SPIN1: variants seen among roughly 807,000 people sequenced by gnomAD.
SPIN1 encodes spindlin-1.
A neutral mutation model predicts 26.0 loss-of-function variants in SPIN1; 3 were observed. The observed-to-expected ratio is 0.12, with a 90% CI of 0.05 to 0.30. The LOEUF is 0.30. Ranked by LOEUF, SPIN1 falls within the 10% of genes least tolerant of loss-of-function variation. SPIN1 has a pLI of 1.00. For synonymous variants in SPIN1, 101 were observed against 116.5 expected, an observed-to-expected ratio of 0.87 and a Z score of 0.86; for missense variants, 126 against 333.4, an observed-to-expected ratio of 0.38 and a Z score of 4.84.
In SPIN1 at chr9:88,393,559, G is replaced by A. The variant is rs140139797; in HGVS notation, c.-159+5021G>A. Among the ~76,000 whole-genome samples, 918 of 142,150 alleles carry A rather than the reference G, an allele frequency of 6.5e-3. 5 individuals are homozygous for A. Among genetic ancestry groups the A allele is most frequent in the Non-Finnish European group, 8.1e-3 (539 of 66,302 alleles). The allele number at this position is 142,150 out of a possible 152,430, so 93.3% of individuals were successfully genotyped here. ...ACCCTCCACCTCCCGGGAGTCAAGC[G>A]ATTCTCCTGCCTCAGCCTCCCGAAT... is the stretch of plus-strand genomic sequence containing the variant. On this transcript the variant is annotated intron_variant, in intron 1 of 5. Coordinates refer to ENST00000375859, the MANE Select transcript of SPIN1 (RefSeq NM_006717.3).
chr9:88,407,783 CAG>C (rs1426705825), intron 1 of SPIN1, among the ~76,000 whole-genome samples: 2 of 140,204 alleles, frequency 1.4e-5, no homozygotes, highest in African/African-American at 5.5e-5. Flanking sequence ...TTTTTTGAGA[CAG>C]AGTCTTGCTC....
At chr9:88,392,195 A>T (rs375134814) in intron 1 of SPIN1, among the ~76,000 whole-genome samples, 23 of 152,116 alleles carry the variant, frequency 1.5e-4, no homozygotes, top group Admixed American at 8.5e-4. Flanking sequence ...GCATTTTTTT[A>T]ATGTTGAGGT....
chr9:88,430,563 C>G (rs1827848557), intron 2 of SPIN1, among the ~76,000 whole-genome samples: 1 of 152,172 alleles, frequency 6.6e-6, no homozygotes, highest in African/African-American at 2.4e-5. Context: ...AGGCAACTTC[C>G]AACATCTGCC....
chr9:88,473,918 ATTTC>A (rs906846325), intron 5 of SPIN1, among the ~76,000 whole-genome samples: 2 of 152,232 alleles, frequency 1.3e-5, no homozygotes, highest in South Asian at 2.1e-4. Context: ...TTCAGCTTAT[ATTTC>A]TTTATTTCTT....
intron 1 of SPIN1, chr9:88,416,510 G>A (rs1269138065): frequency 1.3e-5 from 2 of 152,080 alleles, no homozygotes; most frequent in African/African-American, 4.8e-5. Flanking sequence ...TAATAATAAT[G>A]TCTTAGTTAC....
At chr9:88,473,690 G>T (rs906915010) in intron 5 of SPIN1, among the ~76,000 whole-genome samples, 4 of 151,588 alleles carry the variant, frequency 2.6e-5, no homozygotes, top group African/African-American at 7.3e-5. Context: ...ATTACCTTTA[G>T]AAACAGTGGT....
intron 3 of SPIN1, among the ~76,000 whole-genome samples, chr9:88,449,872 C>A (rs902598659): frequency 6.6e-6 from 1 of 152,096 alleles, no homozygotes. Flanking sequence ...AAAGTGTATG[C>A]CCCTTAGCCA....
chr9:88,409,351 G>T (rs1827388186), intron 1 of SPIN1, among the ~76,000 whole-genome samples: 2 of 150,542 alleles, frequency 1.3e-5, no homozygotes, highest in South Asian at 4.2e-4. Flanking sequence ...TTGTCTCCTT[G>T]TTGGCTCTGT....
At chr9:88,394,285 C>T (rs1290494668) in intron 1 of SPIN1, among the ~76,000 whole-genome samples, 2 of 152,170 alleles carry the variant, frequency 1.3e-5, no homozygotes, top group Non-Finnish European at 2.9e-5. Context: ...CTTTCTGACA[C>T]AAGATGTCTA....
chr9:88,402,153 G>T (rs1033278395), intron 1 of SPIN1, among the ~76,000 whole-genome samples: 10 of 151,892 alleles, frequency 6.6e-5, no homozygotes, highest in Non-Finnish European at 1.3e-4. Flanking sequence ...CCACCATGCT[G>T]GGCTAATTTT....
intron 1 of SPIN1, among the ~76,000 whole-genome samples, chr9:88,390,098 C>CA (rs1346116948): frequency 7.9e-5 from 12 of 152,122 alleles, no homozygotes; most frequent in Admixed American, 5.2e-4. Context: ...TCTTTATAAT[C>CA]TTTTGAGTAG....
Position 88,476,611 on chromosome 9 carries a change from G to A in SPIN1, c.*1334G>A, listed in dbSNP as rs1387774468. 4 of 152,214 alleles carry A rather than the reference G, an allele frequency of 2.6e-5. No individual in the cohort carries two copies. Among genetic ancestry groups the A allele is most frequent in the Admixed American group, 2.0e-4 (3 of 15,286 alleles). 9.4% of individuals were successfully genotyped at this position (152,214 alleles called of 1,614,324 possible). A position where few individuals can be genotyped will look rare whatever the true frequency, so the allele number is the denominator to read the frequency against. ...AGAGCCAGCCGTTTGTGTTCGCTTG[G>A]TAGGTGTAAGTAATAGCAGCCCTTA... is the stretch of plus-strand genomic sequence containing the variant. On this transcript the variant is annotated 3_prime_UTR_variant, in exon 6 of 6. Transcript: ENST00000375859.
At chr9:88,390,831 CA>C (rs1826904946) in intron 1 of SPIN1, among the ~76,000 whole-genome samples, 1 of 152,312 alleles carries the variant, frequency 6.6e-6, no homozygotes, top group Admixed American at 6.5e-5. Flanking sequence ...ACTGATTCAT[CA>C]TGCAGCCTTT....
chr9:88,416,315 T>C (rs1827563441), intron 1 of SPIN1, among the ~76,000 whole-genome samples: 1 of 152,098 alleles, frequency 6.6e-6, no homozygotes, highest in Non-Finnish European at 1.5e-5. Context: ...TTTCTTACCC[T>C]ATTTTTGTTT....
intron 1 of SPIN1, among the ~76,000 whole-genome samples, chr9:88,405,196 A>G (rs900321841): frequency 8.5e-5 from 13 of 152,182 alleles, no homozygotes; most frequent in Non-Finnish European, 1.8e-4. Flanking sequence ...TTTATTATCA[A>G]GTACAATGTA....
At chr9:88,400,977 C>T (rs116182890) in intron 1 of SPIN1, among the ~76,000 whole-genome samples, 2,953 of 152,148 alleles carry the variant, frequency 0.019, 71 homozygotes, top group African/African-American at 0.063. Flanking sequence ...CGTGCAACTG[C>T]GCTCCAGCCT....
chr9:88,418,158 C>T (rs369456213), intron 1 of SPIN1, among the ~76,000 whole-genome samples: 4 of 152,180 alleles, frequency 2.6e-5, no homozygotes, highest in Non-Finnish European at 5.9e-5. Flanking sequence ...CTCCTCTACC[C>T]GCCTCCCTTC....
At chr9:88,446,163 T>C (rs1276790362) in intron 2 of SPIN1, among the ~76,000 whole-genome samples, 3 of 152,182 alleles carry the variant, frequency 2.0e-5, no homozygotes, top group Admixed American at 2.0e-4. Flanking sequence ...TACTCTGTAA[T>C]TGGGTTCATA....
chr9:88,408,850 G>C (rs1587778476), intron 1 of SPIN1, among the ~76,000 whole-genome samples: 1 of 150,652 alleles, frequency 6.6e-6, no homozygotes, highest in East Asian at 2.0e-4. Context: ...ATTTTTAGTA[G>C]AGACGGGGTT....
Sources: gnomAD v4.1 joint callset for allele counts (sites outside exome capture counted in the v4.1 genomes callset) on GRCh38, gnomAD v4.1.1 for gene constraint, MANE v1.5 for transcripts, NCBI Gene and HGNC (gene_info 2026-07-23, HGNC 2026-07-21) for gene names.